The following PPP1R12A variants were observed in gnomAD, a reference collection of about 807,000 sequenced individuals.
The protein encoded by PPP1R12A is protein phosphatase 1 regulatory subunit 12A, also known as myosin binding subunit.
In PPP1R12A, 19 loss-of-function variants were observed where a neutral mutation model predicts 139.6. The observed-to-expected ratio is 0.14, with a 90% CI of 0.09 to 0.20. The LOEUF (loss-of-function observed/expected upper bound fraction) is 0.20. Ranked by LOEUF, PPP1R12A falls within the 10% of genes least tolerant of loss-of-function variation. PPP1R12A has a pLI of 1.00. For synonymous variants in PPP1R12A, 427 were observed against 420.6 expected (o/e 1.02, Z -0.19); for missense variants, 925 against 1,211.5 (o/e 0.76, Z 3.51).
rs189003183 is a variant in PPP1R12A, at chr12:79,799,201, T to A, written c.2001-617A>T. Among the ~76,000 whole-genome samples, 6 of 152,208 alleles carry A rather than the reference T, an allele frequency of 3.9e-5. No homozygotes were observed. In the East Asian group the frequency reaches 1.2e-3, roughly 29 times the overall value. On this transcript the variant is annotated intron_variant, in intron 14 of 24. Coordinates refer to ENST00000450142, the MANE Select transcript of PPP1R12A (RefSeq NM_002480.3). ...TCTCGCTCTGTCGCCCAGGCTGGAG[T>A]GCAGTGGCGCGATCTCAGCTCACTG...
At chr12:79,907,607 A>G (rs1886234136) in intron 1 of PPP1R12A, among the ~76,000 whole-genome samples, 1 of 152,164 alleles carries the variant, frequency 6.6e-6, no homozygotes, top group African/African-American at 2.4e-5. Flanking sequence ...CTGTTTATAA[A>G]AATAAATCTG....
intron 1 of PPP1R12A, among the ~76,000 whole-genome samples, chr12:79,875,655 T>C (rs1272146478): frequency 6.6e-6 from 1 of 152,236 alleles, no homozygotes; most frequent in Non-Finnish European, 1.5e-5. Flanking sequence ...CAAAAGATCT[T>C]TGTTGGAAAA....
chr12:79,865,362 G>A (rs773538917), intron 2 of PPP1R12A, among the ~76,000 whole-genome samples: 8 of 152,016 alleles, frequency 5.3e-5, no homozygotes, highest in Non-Finnish European at 8.8e-5. Context: ...AGCCAATATC[G>A]TATTGAATGG....
At chr12:79,857,760 A>G (rs1406596074) in intron 2 of PPP1R12A, among the ~76,000 whole-genome samples, 1 of 152,148 alleles carries the variant, frequency 6.6e-6, no homozygotes, top group East Asian at 1.9e-4. Context: ...ATAAGCCTGA[A>G]GATGAGAATC....
At chr12:79,829,413 TAAC>T (rs1395613905) in intron 4 of PPP1R12A, among the ~76,000 whole-genome samples, 2 of 152,248 alleles carry the variant, frequency 1.3e-5, no homozygotes. Flanking sequence ...TGGTATTTCC[TAAC>T]AATATCTAAT....
rs1010665652 is a variant in PPP1R12A at position 79,828,803 on chromosome 12, G to A, written c.648-339C>T. Reference sequence around the variant, plus strand: ...GCCCATAATTTTTCAATGTAAAATCGAAAACTGATGAATCACTTTGTATGT... The same window carrying A: ...GCCCATAATTTTTCAATGTAAAATCAAAAACTGATGAATCACTTTGTATGT... On this transcript the variant is annotated intron_variant, in intron 4 of 24. Transcript: ENST00000450142. Among the ~76,000 whole-genome samples, 7 of 151,998 alleles carry A rather than the reference G, an allele frequency of 4.6e-5. No individual in the cohort carries two copies. The East Asian group carries it at 9.6e-4, about 21-fold the overall frequency.
intron 1 of PPP1R12A, among the ~76,000 whole-genome samples, chr12:79,873,689 G>A (rs1882808933): frequency 6.6e-6 from 1 of 151,926 alleles, no homozygotes; most frequent in Admixed American, 6.6e-5. Context: ...TTAGGGGGCA[G>A]CAATTTTCAC....
intron 1 of PPP1R12A, among the ~76,000 whole-genome samples, chr12:79,885,859 T>A (rs1321572007): frequency 6.6e-6 from 1 of 152,124 alleles, no homozygotes; most frequent in Non-Finnish European, 1.5e-5. Flanking sequence ...AAACAATTCC[T>A]TTTTTGTTTG....
chr12:79,920,891 G>C (rs1255988729), intron 1 of PPP1R12A, among the ~76,000 whole-genome samples: 2 of 152,114 alleles, frequency 1.3e-5, no homozygotes, highest in African/African-American at 4.8e-5. Context: ...CCAGTTTCTG[G>C]TATTCCGTTA....
chr12:79,812,813 T>C (rs1477394837), intron 9 of PPP1R12A, among the ~76,000 whole-genome samples: 4 of 152,110 alleles, frequency 2.6e-5, no homozygotes, highest in Non-Finnish European at 5.9e-5. Context: ...ACTAAGTATA[T>C]CTCTTCAATC....
In PPP1R12A at chr12:79,814,597, C is replaced by A. The variant is rs1382718243; in HGVS notation, c.1239+2797G>T. Among the ~76,000 whole-genome samples the A allele has an allele frequency of 9.3e-5, 14 of 149,994 alleles. 1 individual carries two copies. Among genetic ancestry groups the A allele is most frequent in the Non-Finnish European group, 4.4e-5 (3 of 67,672 alleles). On this transcript the variant is annotated intron_variant, in intron 9 of 24. Transcript: ENST00000450142. ...TTGCAAGGCCGAGACGGGTGGATCA[C>A]CTGAGGTCAGGAGTTTGAGACCAAC...
chr12:79,840,791 T>A (rs1878611834), intron 3 of PPP1R12A, among the ~76,000 whole-genome samples: 1 of 152,188 alleles, frequency 6.6e-6, no homozygotes, highest in African/African-American at 2.4e-5. Flanking sequence ...ATATCCTACA[T>A]TCTATTTCAT....
intron 17 of PPP1R12A, 35 bp from the exon 18 acceptor site, chr12:79,795,794 T>A: frequency 6.3e-7 from 1 of 1,591,122 alleles, no homozygotes; most frequent in Non-Finnish European, 8.6e-7. Flanking sequence ...AATATAGCAA[T>A]ATATCTTGAC....
At chr12:79,776,315 C>T (rs538770724) in intron 24 of PPP1R12A, among the ~76,000 whole-genome samples, 3 of 152,040 alleles carry the variant, frequency 2.0e-5, no homozygotes, top group African/African-American at 7.2e-5. Flanking sequence ...GCAGCCAAGA[C>T]AAGCCTGTTT....
Position 79,806,329 on chromosome 12 carries a change from A to AG in PPP1R12A, c.1659dup (p.Ser554LeufsTer4). On this transcript the variant is annotated frameshift_variant, in exon 13 of 25. Transcript: ENST00000450142. LOFTEE classifies it high-confidence loss of function. Reference sequence around the variant, plus strand: ...AAATCATCTTGTCTTCTACCAAAGGAGCAACTAAACAAAAGAGTCATATCT... The same window carrying AG: ...AAATCATCTTGTCTTCTACCAAAGGAGGCAACTAAACAAAAGAGTCATATCT... The AG allele has an allele frequency of 6.2e-7, 1 of 1,613,098 alleles. No homozygotes were observed. The highest frequency in any genetic ancestry group is 8.5e-7 in the Non-Finnish European group (1 of 1,179,162).
At chr12:79,807,477 T>C in intron 11 of PPP1R12A, 147 bp from the exon 12 acceptor site, 1 of 531,278 alleles carries the variant, frequency 1.9e-6, no homozygotes, top group Non-Finnish European at 3.2e-6. Context: ...GATAAAGTAA[T>C]TTCAGTACTA....
At chr12:79,843,233 C>A (rs1271423342) in intron 3 of PPP1R12A, among the ~76,000 whole-genome samples, 1 of 152,006 alleles carries the variant, frequency 6.6e-6, no homozygotes, top group Non-Finnish European at 1.5e-5. Context: ...AATTTGTACA[C>A]CCATGTTTGT....
At chr12:79,846,415 C>A (rs1022299413) in intron 2 of PPP1R12A, among the ~76,000 whole-genome samples, 1 of 149,978 alleles carries the variant, frequency 6.7e-6, no homozygotes, top group African/African-American at 2.5e-5. Flanking sequence ...ATCTATTACC[C>A]AAGTCAATTT....
At chr12:79,932,690 G>C (rs924134281) in intron 1 of PPP1R12A, among the ~76,000 whole-genome samples, 4 of 152,260 alleles carry the variant, frequency 2.6e-5, no homozygotes, top group African/African-American at 4.8e-5. Context: ...TAATCAGGAA[G>C]ACATTGGTAA....
Sources: allele counts gnomAD v4.1 joint callset (sites outside exome capture counted in the v4.1 genomes callset), GRCh38; gene constraint gnomAD v4.1.1; transcripts MANE v1.5; gene names NCBI Gene and HGNC (gene_info 2026-07-23, HGNC 2026-07-21).